Variants in TMEM98 observed in about 807,000 individuals in gnomAD.
The protein encoded by TMEM98 is transmembrane protein 98.
In TMEM98, 18 loss-of-function variants were observed where a neutral mutation model predicts 25.0. That is an observed-to-expected ratio of 0.72 (90% CI 0.50 to 1.07). The LOEUF (loss-of-function observed/expected upper bound fraction) is 1.07, where lower values mean the gene tolerates loss of function less well. TMEM98 is among the 50% of genes least tolerant of loss of function. TMEM98 has a pLI of 0.00. For synonymous variants in TMEM98, 103 were observed against 112.4 expected (o/e 0.92, Z 0.53); for missense variants, 241 against 289.0 (o/e 0.83, Z 1.20).
In TMEM98 at chr17:32,938,401, C is replaced by T. The variant is rs28997; in HGVS notation, c.414-1076C>T. On this transcript the variant is annotated intron_variant, in intron 6 of 7. Coordinates refer to ENST00000579849, the MANE Select transcript of TMEM98 (RefSeq NM_015544.3). ...CTGCATGTCCTCACCGGCTCCACAGCCGTGAATAAGAGTGTTTGAGGCCAT... is the reference window on the plus strand; with the variant it reads ...CTGCATGTCCTCACCGGCTCCACAGTCGTGAATAAGAGTGTTTGAGGCCAT... Among the ~76,000 whole-genome samples, 903 of 152,256 alleles carry T rather than the reference C, an allele frequency of 5.9e-3. 8 individuals are homozygous for T. Among genetic ancestry groups the T allele is most frequent in the African/African-American group, 0.019 (806 of 41,536 alleles).
intron 6 of TMEM98, 57 bp from the exon 7 acceptor site, chr17:32,939,420 A>AAAGT: frequency 6.8e-7 from 1 of 1,461,954 alleles, no homozygotes; most frequent in Non-Finnish European, 9.3e-7. Context: ...AAAAAAAAAA[A>AAAGT]AAGGAGAAAA....
chr17:32,935,065 A>G (rs29013), intron 5 of TMEM98, among the ~76,000 whole-genome samples: 6,097 of 152,084 alleles, frequency 0.04, 177 homozygotes, highest in South Asian at 0.066. Flanking sequence ...CTCTTTGACT[A>G]GTAATTATTC....
intron 1 of TMEM98, among the ~76,000 whole-genome samples, 176 bp downstream of exon 1, chr17:32,928,413 T>G: frequency 1.4e-5 from 2 of 144,598 alleles, no homozygotes; most frequent in East Asian, 2.2e-4. Context: ...CCCGGAGCGC[T>G]CCGGGGCCCG....
rs1002232754 is a variant in TMEM98 at position 32,940,769 on chromosome 17, T to A, written c.474-17T>A. ...CATTTCCTAGGAAACCTGACCCTAT[T>A]TTCTTTTTTTCCCTAGGACGACTGC... On this transcript the variant is annotated splice_polypyrimidine_tract_variant and intron_variant, in intron 7 of 7. Coordinates refer to ENST00000579849, the MANE Select transcript of TMEM98 (RefSeq NM_015544.3). The A allele has an allele frequency of 1.2e-6, 2 of 1,605,730 alleles. No homozygotes were observed. Among genetic ancestry groups the A allele is most frequent in the Admixed American group, 1.7e-5 (1 of 57,830 alleles).
At chr17:32,933,433 C>T (rs1463718224) in intron 4 of TMEM98, 128 bp downstream of exon 4, 7 of 1,318,052 alleles carry the variant, frequency 5.3e-6, no homozygotes, top group African/African-American at 1.5e-5. Flanking sequence ...TTTCCTGTGC[C>T]TTTAGTGTGG....
At position 32,939,518 on chromosome 17, in the gene TMEM98, C is replaced by G; in HGVS notation, c.455C>G (p.Pro152Arg). ...AAGTCGATGTACCCTCCGTTGGACC[C>G]CAAACTCCTGGACGCACGGTGAGAC... is the stretch of plus-strand genomic sequence containing the variant. ...VVKSMYPPLD[P>R]KLLDARTTAL... is the part of the protein sequence containing the mutation. The change falls in exon 7 of 8, where the codon CCC becomes CGC. Residue 152 changes from proline to arginine, a missense_variant. By Grantham distance (103) the Pro-to-Arg change is moderately radical (BLOSUM62 -2). Coordinates refer to ENST00000579849, the MANE Select transcript of TMEM98 (RefSeq NM_015544.3). 6.2e-7 allele frequency: 1 copy of G among 1,614,056 alleles called. No individual in the cohort carries two copies. Among genetic ancestry groups the G allele is most frequent in the South Asian group, 1.1e-5 (1 of 91,078 alleles).
chr17:32,935,144 A>G (rs1382876518), intron 5 of TMEM98, among the ~76,000 whole-genome samples: 1 of 152,204 alleles, frequency 6.6e-6, no homozygotes, highest in Non-Finnish European at 1.5e-5. Flanking sequence ...TTAATAAAAC[A>G]TTCTTTACCC....
intron 6 of TMEM98, among the ~76,000 whole-genome samples, chr17:32,939,186 C>T (rs977659142): frequency 6.6e-6 from 1 of 152,174 alleles, no homozygotes; most frequent in African/African-American, 2.4e-5. Flanking sequence ...GTGGGTGGAT[C>T]ACCTGAGGTC....
At position 32,940,226 on chromosome 17, in the gene TMEM98, A is replaced by G. The variant is rs561731413; in HGVS notation, c.474-560A>G. Among the ~76,000 whole-genome samples the G allele has an allele frequency of 5.9e-5, 9 of 152,298 alleles. No homozygotes were observed. In the South Asian group the frequency reaches 1.2e-3, roughly 21 times the overall value. ...TATTCTCAAATGCATCATGGTACTA[A>G]CCATATAAAAGGTATTCTACAGTGA... On this transcript the variant is annotated intron_variant, in intron 7 of 7. Transcript: ENST00000579849.
chr17:32,938,561 T>TA (rs1328038981), intron 6 of TMEM98, among the ~76,000 whole-genome samples: 1 of 152,220 alleles, frequency 6.6e-6, no homozygotes, highest in Non-Finnish European at 1.5e-5. Context: ...GAACTTGATT[T>TA]AAAAAAATTA....
At position 32,943,454 on chromosome 17, in the gene TMEM98, C is replaced by T. The variant is rs2091540908; in HGVS notation, c.*2461C>T. ...CAGGCAACAGACACATTCCTAAGTG[C>T]CTAGTTCTCTAGCGTCTGTATACAT... On this transcript the variant is annotated 3_prime_UTR_variant, in exon 8 of 8. Transcript: ENST00000579849. The T allele has an allele frequency of 6.6e-6, 1 of 152,106 alleles. No individual in the cohort carries two copies. Among genetic ancestry groups the T allele is most frequent in the Non-Finnish European group, 1.5e-5 (1 of 68,048 alleles). 9.4% of individuals were successfully genotyped at this position (152,106 alleles called of 1,614,324 possible). A position where few individuals can be genotyped will look rare whatever the true frequency, so the allele number is the denominator to read the frequency against.
intron 3 of TMEM98, among the ~76,000 whole-genome samples, chr17:32,932,494 C>T (rs999862571): frequency 2.0e-5 from 3 of 152,130 alleles, no homozygotes; most frequent in Admixed American, 6.5e-5. Context: ...ATTGATAGAC[C>T]GTTCAGGGAT....
intron 5 of TMEM98, among the ~76,000 whole-genome samples, chr17:32,935,899 A>T: frequency 6.6e-6 from 1 of 152,210 alleles, no homozygotes; most frequent in Admixed American, 6.5e-5. Context: ...TTATTGGAGC[A>T]TGTGCTTAAA....
Position 32,935,083 on chromosome 17 carries a change from CA to C in TMEM98, c.297+763del, listed in dbSNP as rs368388666. 6.6e-5 allele frequency among the ~76,000 whole-genome samples: 10 copies of C among 151,994 alleles called. 1 individual carries two copies. The highest frequency in any genetic ancestry group is 2.4e-4 in the African/African-American group (10 of 41,464). On this transcript the variant is annotated intron_variant, in intron 5 of 7. Coordinates refer to ENST00000579849, the MANE Select transcript of TMEM98 (RefSeq NM_015544.3). ...TTTGACTAGTAATTATTCAAGATTT[CA>C]AAAGAGACAACTTTGTCTTTTCTTT...
chr17:32,934,273 T>G lies in TMEM98; in HGVS notation c.264-18T>G, dbSNP rs781672201. The G allele has an allele frequency of 1.2e-6, 2 of 1,613,906 alleles. No homozygotes were observed. The highest frequency in any genetic ancestry group is 1.7e-6 in the Non-Finnish European group (2 of 1,179,880). On this transcript the variant is annotated intron_variant, in intron 4 of 7. Transcript: ENST00000579849. Reference sequence around the variant, plus strand: ...GCCCCTCCAGATGAGCACTGATGACTTCTTCTTGTTTCCCCAGGGGTCTCA... The same window carrying G: ...GCCCCTCCAGATGAGCACTGATGACGTCTTCTTGTTTCCCCAGGGGTCTCA...
At position 32,941,172 on chromosome 17, in the gene TMEM98, G is replaced by A. The variant is rs1013639719; in HGVS notation, c.*179G>A. On this transcript the variant is annotated 3_prime_UTR_variant, in exon 8 of 8. Coordinates refer to ENST00000579849, the MANE Select transcript of TMEM98 (RefSeq NM_015544.3). ...TATGCCTCTTTTGCAGTTGCAAACT[G>A]TGGCTGGTGAGTGGCAGTCTAATAC... 2.6e-5 allele frequency: 15 copies of A among 582,080 alleles called. No individual in the cohort carries two copies. In the African/African-American group the frequency reaches 2.6e-4, roughly 10 times the overall value. The allele number at this position is 582,080 out of a possible 1,614,324, so 36.1% of individuals were successfully genotyped here. A position where few individuals can be genotyped will look rare whatever the true frequency, so the allele number is the denominator to read the frequency against.
At chr17:32,936,644 C>T (rs550806638) in intron 6 of TMEM98, among the ~76,000 whole-genome samples, 197 bp downstream of exon 6, 33 of 152,348 alleles carry the variant, frequency 2.2e-4, no homozygotes, top group Admixed American at 1.4e-3. Flanking sequence ...TTCCACCATC[C>T]CCACCTGCAG....
At chr17:32,933,052 T>C (rs1310006596) in intron 3 of TMEM98, 122 bp from the exon 4 acceptor site, 1 of 1,384,836 alleles carries the variant, frequency 7.2e-7, no homozygotes, top group African/African-American at 1.4e-5. Context: ...CCGGGACAAG[T>C]GGTCTCTGCC....
At chr17:32,931,255 G>A (rs1157146010) in intron 1 of TMEM98, 72 bp from the exon 2 acceptor site, 2 of 369,996 alleles carry the variant, frequency 5.4e-6, no homozygotes, top group Non-Finnish European at 4.9e-6. Context: ...GTCCAACTGG[G>A]GAGCAAATTC....
Sources: gnomAD v4.1 joint callset for allele counts (sites outside exome capture counted in the v4.1 genomes callset) on GRCh38, gnomAD v4.1.1 for gene constraint, MANE v1.5 for transcripts, NCBI Gene and HGNC (gene_info 2026-07-23, HGNC 2026-07-21) for gene names.